NFYB: variants seen among roughly 807,000 people sequenced by gnomAD.
NFYB encodes CAAT box DNA-binding protein subunit B.
A neutral mutation model predicts 28.0 loss-of-function variants in NFYB; 13 were observed. That is an observed-to-expected ratio of 0.46 (90% CI 0.30 to 0.74). NFYB has a LOEUF of 0.74. NFYB is among the 30% of genes least tolerant of loss of function. The pLI, the probability that NFYB is intolerant of heterozygous loss-of-function variation, is 0.07. For synonymous variants in NFYB, 74 were observed against 75.0 expected (o/e 0.99, Z 0.07); for missense variants, 142 against 247.6 (o/e 0.57, Z 2.86).
Position 104,119,657 on chromosome 12 carries a change from G to T in NFYB, c.*80C>A. 1 of 1,017,412 alleles carries T rather than the reference G, an allele frequency of 9.8e-7. No homozygotes were observed. Among genetic ancestry groups the T allele is most frequent in the Non-Finnish European group, 1.5e-6 (1 of 668,496 alleles). 63.0% of individuals were successfully genotyped at this position (1,017,412 alleles called of 1,614,324 possible). ...TATACAAAGATACATCTTTTCACCA[G>T]TCTTTCCTTCTGATGTCTCTGTTCC... On this transcript the variant is annotated 3_prime_UTR_variant, in exon 8 of 8. Coordinates refer to ENST00000240055, the MANE Select transcript of NFYB (RefSeq NM_006166.4).
intron 3 of NFYB, among the ~76,000 whole-genome samples, chr12:104,127,460 G>A (rs1046213413): frequency 4.0e-5 from 6 of 151,500 alleles, no homozygotes; most frequent in Non-Finnish European, 5.9e-5. Flanking sequence ...CTCAGCTAAC[G>A]GGCAGGCTGA....
Position 104,118,018 on chromosome 12 carries a change from G to T in NFYB, c.*1719C>A, listed in dbSNP as rs1184407464. On this transcript the variant is annotated 3_prime_UTR_variant, in exon 8 of 8. Transcript: ENST00000240055. ...TAAATAGTCAAAATATCCAATAGAA[G>T]ATTAAATGAATTATGATTGAGTCAT... The T allele has an allele frequency of 6.6e-6, 1 of 152,068 alleles. No homozygotes were observed. Among genetic ancestry groups the T allele is most frequent in the African/African-American group, 2.4e-5 (1 of 41,380 alleles). The allele number at this position is 152,068 out of a possible 1,614,324, so 9.4% of individuals were successfully genotyped here.
chr12:104,134,480 C>T (rs1019833797), intron 2 of NFYB, among the ~76,000 whole-genome samples: 2 of 152,098 alleles, frequency 1.3e-5, no homozygotes, highest in African/African-American at 4.8e-5. Context: ...CAAGCTCTAC[C>T]TCATCTATTA....
chr12:104,124,971 GA>G (rs1207745048), intron 4 of NFYB, among the ~76,000 whole-genome samples: 5 of 152,114 alleles, frequency 3.3e-5, no homozygotes, highest in African/African-American at 9.6e-5. Context: ...TAAAATGACA[GA>G]AAAATTACCA....
intron 2 of NFYB, 71 bp downstream of exon 2, chr12:104,135,377 G>T (rs758507575): frequency 5.8e-6 from 8 of 1,380,708 alleles, no homozygotes; most frequent in Non-Finnish European, 8.0e-6. Flanking sequence ...AGTATAAATT[G>T]GTTACAATTT....
At chr12:104,121,959 C>T (rs995736709) in intron 5 of NFYB, among the ~76,000 whole-genome samples, 2 of 152,156 alleles carry the variant, frequency 1.3e-5, no homozygotes, top group Admixed American at 6.5e-5. Context: ...ATATGCTGAA[C>T]TCAACTGCTT....
chr12:104,134,638 G>T (rs191414728), intron 2 of NFYB, among the ~76,000 whole-genome samples: 1 of 152,076 alleles, frequency 6.6e-6, no homozygotes, highest in Non-Finnish European at 1.5e-5. Flanking sequence ...GTTCCTAAAG[G>T]CTTCCTGTGT....
At chr12:104,123,557 C>T in intron 4 of NFYB, 134 bp from the exon 5 acceptor site, 1 of 672,864 alleles carries the variant, frequency 1.5e-6, no homozygotes, top group East Asian at 2.7e-5. Context: ...TATGTTATAA[C>T]ATTAACACAA....
intron 2 of NFYB, chr12:104,131,781 A>G: frequency 2.2e-6 from 1 of 456,082 alleles, no homozygotes. Flanking sequence ...CTGGTCACGT[A>G]GCTGTCAACA....
At chr12:104,132,739 C>G (rs2030970282) in intron 2 of NFYB, among the ~76,000 whole-genome samples, 1 of 152,176 alleles carries the variant, frequency 6.6e-6, no homozygotes, top group South Asian at 2.1e-4. Context: ...ACAGTGTAAG[C>G]CTAGCTGAAG....
intron 5 of NFYB, 73 bp downstream of exon 5, chr12:104,123,153 G>A: frequency 8.5e-7 from 1 of 1,174,118 alleles, no homozygotes; most frequent in South Asian, 1.5e-5. Context: ...TCCAGCCTGG[G>A]CAACAGAGCG....
At chr12:104,125,981 C>T in intron 4 of NFYB, 133 bp downstream of exon 4, 1 of 868,756 alleles carries the variant, frequency 1.2e-6, no homozygotes, top group South Asian at 2.3e-5. Flanking sequence ...TGTATGTAGA[C>T]ATGAAAGAAA....
At chr12:104,123,151 G>T in intron 5 of NFYB, 75 bp downstream of exon 5, 1 of 1,157,618 alleles carries the variant, frequency 8.6e-7, no homozygotes, top group Non-Finnish European at 1.2e-6. Flanking sequence ...ACTCCAGCCT[G>T]GGCAACAGAG....
At position 104,135,483 on chromosome 12, in the gene NFYB, G is replaced by C. The variant is rs529269631; in HGVS notation, c.-30C>G. The C allele has an allele frequency of 1.3e-5, 21 of 1,569,382 alleles. No homozygotes were observed. The African/African-American group carries it at 2.8e-4, about 21-fold the overall frequency. On this transcript the variant is annotated 5_prime_UTR_variant, in exon 2 of 8. Transcript: ENST00000240055. ...TACTGTCAGAACCGTGTTGTCAGTG[G>C]TGCTGAAGAACACCTATCTAAAAAG...
In NFYB at chr12:104,118,167, T is replaced by A. The variant is rs1451815794; in HGVS notation, c.*1570A>T. The A allele has an allele frequency of 6.6e-6, 1 of 152,212 alleles. No individual in the cohort carries two copies. Among genetic ancestry groups the A allele is most frequent in the Non-Finnish European group, 1.5e-5 (1 of 68,036 alleles). 9.4% of individuals were successfully genotyped at this position (152,212 alleles called of 1,614,324 possible). A position where few individuals can be genotyped will look rare whatever the true frequency, so the allele number is the denominator to read the frequency against. On this transcript the variant is annotated 3_prime_UTR_variant, in exon 8 of 8. Coordinates refer to ENST00000240055, the MANE Select transcript of NFYB (RefSeq NM_006166.4). ...AAATGGTATGCACAATATGAGCCCA[T>A]TTTTATAAAAATATACATATTTAGC...
At chr12:104,127,131 G>A (rs931468918) in intron 3 of NFYB, among the ~76,000 whole-genome samples, 9 of 152,162 alleles carry the variant, frequency 5.9e-5, no homozygotes, top group African/African-American at 9.7e-5. Context: ...TACTAAGTAA[G>A]GAGGCAAGGC....
intron 4 of NFYB, 69 bp downstream of exon 4, chr12:104,126,045 T>A (rs951518235): frequency 5.2e-5 from 75 of 1,451,140 alleles, no homozygotes; most frequent in Non-Finnish European, 4.8e-5. Flanking sequence ...ACTGTACCCA[T>A]GACCTATGAA....
At chr12:104,134,479 C>G (rs1408113182) in intron 2 of NFYB, among the ~76,000 whole-genome samples, 1 of 152,112 alleles carries the variant, frequency 6.6e-6, no homozygotes, top group African/African-American at 2.4e-5. Context: ...TCAAGCTCTA[C>G]CTCATCTATT....
chr12:104,131,952 A>G (rs1406871995), intron 2 of NFYB: 1 of 351,908 alleles, frequency 2.8e-6, no homozygotes, highest in Non-Finnish European at 5.6e-6. Context: ...GAGACCGTGA[A>G]CAAACTGGAT....
Sources: gnomAD v4.1 joint callset for allele counts (sites outside exome capture counted in the v4.1 genomes callset) on GRCh38, gnomAD v4.1.1 for gene constraint, MANE v1.5 for transcripts, NCBI Gene and HGNC (gene_info 2026-07-23, HGNC 2026-07-21) for gene names.